LINGO4: variants seen among roughly 807,000 people sequenced by gnomAD.
LINGO4 encodes the protein leucine-rich repeat and immunoglobulin-like domain-containing nogo receptor-interacting protein 4.
Under a neutral mutation model 27.9 loss-of-function variants are expected in LINGO4, and 22 were observed. The observed-to-expected ratio is 0.79, with a 90% CI of 0.56 to 1.13. LINGO4 has a LOEUF of 1.13. Ranked by LOEUF, LINGO4 falls within the 50% of genes most tolerant of loss-of-function variation. The pLI, the probability that LINGO4 is intolerant of heterozygous loss-of-function variation, is 0.00. For synonymous variants in LINGO4, 306 were observed against 325.8 expected (o/e 0.94, Z 0.65); for missense variants, 706 against 739.4 (o/e 0.95, Z 0.52).
rs750904019 is a variant in LINGO4, at chr1:151,800,979, G to A, written c.1726C>T (p.Arg576Trp). 41 of 1,613,986 alleles carry A rather than the reference G, an allele frequency of 2.5e-5. 1 individual carries two copies. In the South Asian group the frequency reaches 3.0e-4, roughly 12 times the overall value. ...CCAGAGTTTTTATCCCCAGAGGGCCGAGGTGCCACAAAGTCAAAGGTCATG... is the reference window on the plus strand; with the variant it reads ...CCAGAGTTTTTATCCCCAGAGGGCCAAGGTGCCACAAAGTCAAAGGTCATG... Reference protein sequence around the residue: ...HHMTFDFVAPRPSGDKNSGGN... With the variant: ...HHMTFDFVAPWPSGDKNSGGN... Residue 576 changes from arginine (R) to tryptophan (W), a missense_variant, in exon 2 of 2, where the codon CGG (arginine) becomes TGG (tryptophan). Transcript: ENST00000368820.
At position 151,802,165 on chromosome 1, in the gene LINGO4, G is replaced by A. The variant is rs765872718; in HGVS notation, c.540C>T (p.Ala180=). ...GCTCCAGGGTGAGGGTGCTCAACTT[G>A]GCTAGCCCTGCAAAGGCCCCCGGAG... ...FVAPGAFAGL[A]KLSTLTLERC... Residue 180 remains alanine (A), a synonymous_variant, in exon 2 of 2, where the codon GCC becomes GCT. Transcript: ENST00000368820. The A allele has an allele frequency of 1.8e-5, 29 of 1,613,874 alleles. No individual in the cohort carries two copies. In the African/African-American group the frequency reaches 3.3e-4, roughly 19 times the overall value.
Position 151,800,987 on chromosome 1 carries a change from A to G in LINGO4, c.1718T>C (p.Val573Ala). ...RVKHHMTFDFVAPRPSGDKNS... is the reference protein window; with the variant it reads ...RVKHHMTFDFAAPRPSGDKNS... ...TTTATCCCCAGAGGGCCGAGGTGCC[A>G]CAAAGTCAAAGGTCATGTGATGTTT... Residue 573 changes from valine (V) to alanine (A), a missense_variant, in exon 2 of 2, where the codon GTG becomes GCG. Coordinates refer to ENST00000368820, the MANE Select transcript of LINGO4 (RefSeq NM_001004432.4). 2 of 1,614,064 alleles carry G rather than the reference A, an allele frequency of 1.2e-6. No homozygotes were observed. Among genetic ancestry groups the G allele is most frequent in the Non-Finnish European group, 1.7e-6 (2 of 1,179,926 alleles).
chr1:151,802,173 C>T lies in LINGO4; in HGVS notation c.532G>A (p.Gly178Arg), dbSNP rs751132246. The change falls in exon 2 of 2, where the codon GGG (glycine) becomes AGG (arginine). Residue 178 changes from glycine to arginine, a missense_variant. Physicochemically the swap from Gly to Arg is moderately radical, Grantham distance 125. Transcript: ENST00000368820. Reference protein sequence around the residue: ...LVFVAPGAFAGLAKLSTLTLE... With the variant: ...LVFVAPGAFARLAKLSTLTLE... ...GTGAGGGTGCTCAACTTGGCTAGCC[C>T]TGCAAAGGCCCCCGGAGCCACAAAT... is the stretch of plus-strand genomic sequence containing the variant. The T allele has an allele frequency of 6.2e-7, 1 of 1,614,028 alleles. No individual in the cohort carries two copies. The highest frequency in any genetic ancestry group is 8.5e-7 in the Non-Finnish European group (1 of 1,180,026).
Position 151,801,441 on chromosome 1 carries a change from A to C in LINGO4, c.1264T>G (p.Trp422Gly), listed in dbSNP as rs750879690. 1 of 1,614,146 alleles carries C rather than the reference A, an allele frequency of 6.2e-7. No homozygotes were observed. Residue 422 changes from tryptophan (W) to glycine (G), a missense_variant, in exon 2 of 2, where the codon TGG (tryptophan) becomes GGG (glycine). Physicochemically the swap from Trp to Gly is radical, Grantham distance 184 (BLOSUM62 -2). Transcript: ENST00000368820. The surrounding 1 kb of genome is among the most constrained non-coding windows in gnomAD (Gnocchi z 5.7). ...PALIRKSGPR[W>G]VIAEEGGHAV... is the part of the protein sequence containing the mutation. ...TGCCCGCCCTCCTCTGCAATGACCC[A>C]TCGAGGCCCCGACTTTCGGATCAGG... is the stretch of plus-strand genomic sequence containing the variant.
Position 151,802,658 on chromosome 1 carries a change from G to A in LINGO4, c.47C>T (p.Pro16Leu), listed in dbSNP as rs772746600. 1.7e-5 allele frequency: 27 copies of A among 1,544,974 alleles called. No homozygotes were observed. In the South Asian group the frequency reaches 2.0e-4, roughly 12 times the overall value. Reference protein sequence around the residue: ...APKQAWPPWPPLLFLLLLPGG... With the variant: ...APKQAWPPWPLLLFLLLLPGG... ...AGGTAGGAGGAGGAGGAAAAGGAGC[G>A]GGGGCCATGGGGGCCAGGCTTGCTT... Residue 16 changes from proline to leucine, a missense_variant, in exon 2 of 2, where the codon CCG (proline) becomes CTG (leucine). Transcript: ENST00000368820.
Position 151,801,833 on chromosome 1 carries a change from A to T in LINGO4, c.872T>A (p.Ile291Asn). The T allele has an allele frequency of 6.2e-7, 1 of 1,614,206 alleles. No individual in the cohort carries two copies. The highest frequency in any genetic ancestry group is 2.2e-5 in the East Asian group (1 of 44,884). The change falls in exon 2 of 2, where the codon ATC becomes AAC. Residue 291 changes from isoleucine (I) to asparagine (N), a missense_variant. Transcript: ENST00000368820. This position sits in a 1 kb window ranked among gnomAD's most constrained non-coding sequence, Gnocchi z 5.7. ...LDLSQNPISA[I>N]PARRLSPLVR... ...CAGGGGGCTGAGCCTTCGGGCTGGG[A>T]TGGCTGAGATGGGATTCTGGGACAG...
chr1:151,801,587 C>T lies in LINGO4; in HGVS notation c.1118G>A (p.Arg373His), dbSNP rs142939659. 208 of 1,613,518 alleles carry T rather than the reference C, an allele frequency of 1.3e-4. No individual in the cohort carries two copies. The highest frequency in any genetic ancestry group is 2.8e-4 in the African/African-American group (21 of 74,956). Residue 373 changes from arginine (R) to histidine (H), a missense_variant, in exon 2 of 2, where the codon CGC becomes CAC. By Grantham distance (29) the Arg-to-His change is conservative. Transcript: ENST00000368820. This position sits in a 1 kb window ranked among gnomAD's most constrained non-coding sequence, Gnocchi z 5.7. ...GGACATGCCAAAGTCCAGGTGGCGGCGGAGCCGGAGCAGCCAGAGGAGGCG... is the reference window on the plus strand; with the variant it reads ...GGACATGCCAAAGTCCAGGTGGCGGTGGAGCCGGAGCAGCCAGAGGAGGCG... ...DCRLLWLLRL[R>H]RHLDFGMSPP... is the part of the protein sequence containing the mutation.
In LINGO4 at chr1:151,801,921, A is replaced by C; in HGVS notation, c.784T>G (p.Cys262Gly). 11 of 1,614,216 alleles carry C rather than the reference A, an allele frequency of 6.8e-6. No homozygotes were observed. The highest frequency in any genetic ancestry group is 9.3e-6 in the Non-Finnish European group (11 of 1,180,024). Residue 262 changes from cysteine (C) to glycine (G), a missense_variant, in exon 2 of 2, where the codon TGC (cysteine) becomes GGC (glycine). Coordinates refer to ENST00000368820, the MANE Select transcript of LINGO4 (RefSeq NM_001004432.4). This position sits in a 1 kb window ranked among gnomAD's most constrained non-coding sequence, Gnocchi z 5.7. ...TGGAAGGGCACCGAGCTCAGATTGC[A>C]GCGAGTGATGGCCAGGCTGCTGAGA... ...LNLSSLAITR[C>G]NLSSVPFQAL...
rs1444920962 is a variant in LINGO4, at chr1:151,801,996, G to A, written c.709C>T (p.Leu237Phe). Residue 237 changes from leucine to phenylalanine, a missense_variant, in exon 2 of 2, where the codon CTC (leucine) becomes TTC (phenylalanine). By Grantham distance (22) the Leu-to-Phe change is conservative. Coordinates refer to ENST00000368820, the MANE Select transcript of LINGO4 (RefSeq NM_001004432.4). This position sits in a 1 kb window ranked among gnomAD's most constrained non-coding sequence, Gnocchi z 5.7. The stretch of plus-strand genomic sequence containing the variant: ...TCCAGAGCCTCCAGAGATGGCCAGA[G>A]GTGGATCTCCAGCTCCTTGAGCTGC... ...LGQLKELEIH[L>F]WPSLEALDPG... The A allele has an allele frequency of 1.2e-6, 2 of 1,614,170 alleles. No homozygotes were observed. The highest frequency in any genetic ancestry group is 2.2e-5 in the East Asian group (1 of 44,878).
At position 151,801,626 on chromosome 1, in the gene LINGO4, AGGGGGTTGCCAGACAGCCTCAAGG is replaced by A. The variant is rs759985470; in HGVS notation, c.1055_1078del (p.Thr352_Leu360delinsIle). 1.1e-5 allele frequency: 17 copies of A among 1,613,902 alleles called. No individual in the cohort carries two copies. The highest frequency in any genetic ancestry group is 1.4e-5 in the Non-Finnish European group (17 of 1,180,032). ...CCAGAGGAGGCGGCAGTCACAGGTT[AGGGGGTTGCCAGACAGCCTCAAGG>A]TGACCAGTTTGTCTGGAGAAGGGAA... On this transcript the variant is annotated inframe_deletion, in exon 2 of 2. Coordinates refer to ENST00000368820, the MANE Select transcript of LINGO4 (RefSeq NM_001004432.4). This position sits in a 1 kb window ranked among gnomAD's most constrained non-coding sequence, Gnocchi z 5.7.
In LINGO4 at chr1:151,800,913, GA is replaced by G; in HGVS notation, c.*9del. On this transcript the variant is annotated 3_prime_UTR_variant, in exon 2 of 2. Coordinates refer to ENST00000368820, the MANE Select transcript of LINGO4 (RefSeq NM_001004432.4). ...CGGACTTGGTGGGTTCCCCACTGGG[GA>G]AGGAAAGGTCAGAAGAGCTTGGCAG... The G allele has an allele frequency of 6.3e-7, 1 of 1,587,832 alleles. No homozygotes were observed. Among genetic ancestry groups the G allele is most frequent in the African/African-American group, 1.3e-5 (1 of 74,286 alleles).
chr1:151,804,809 C>T (rs1347141471), intron 1 of LINGO4, among the ~76,000 whole-genome samples: 6 of 152,204 alleles, frequency 3.9e-5, no homozygotes, highest in Non-Finnish European at 7.3e-5. Context: ...CATCACCCCT[C>T]AAGGGTAGGG....
At chr1:151,802,835 A>G (rs1651193991) in intron 1 of LINGO4, 118 bp from the exon 2 acceptor site, 1 of 637,106 alleles carries the variant, frequency 1.6e-6, no homozygotes, top group Non-Finnish European at 2.5e-6. Context: ...AGCATTGCCA[A>G]TAAGTAGGGC....
At position 151,802,273 on chromosome 1, in the gene LINGO4, A is replaced by G; in HGVS notation, c.432T>C (p.Ile144=). ...CAAAAGCTCCATCTAGGAAGAGAAC[A>G]ATCTGGTTGAGGCGGAGGTCCAGCA... The part of the protein sequence containing the change: ...LTLLDLRLNQ[I]VLFLDGAFGE... Residue 144 remains isoleucine (I), a synonymous_variant, in exon 2 of 2, where the codon ATT becomes ATC. Coordinates refer to ENST00000368820, the MANE Select transcript of LINGO4 (RefSeq NM_001004432.4). 1 of 1,614,186 alleles carries G rather than the reference A, an allele frequency of 6.2e-7. No homozygotes were observed.
Position 151,802,106 on chromosome 1 carries a change from AG to A in LINGO4, c.598del (p.Ala201ProfsTer6), listed in dbSNP as rs1461399668. The stretch of plus-strand genomic sequence containing the variant: ...GGCCACTAGTGCCGGGAGACGGGCA[AG>A]GGCTAGGCCAGGCACTGTGCTGAGG... ...CNLSTVPGLA[L>X]ARLPALVALR... On this transcript the variant is annotated frameshift_variant, in exon 2 of 2. Coordinates refer to ENST00000368820, the MANE Select transcript of LINGO4 (RefSeq NM_001004432.4). LOFTEE classifies it high-confidence loss of function. 1 of 1,613,964 alleles carries A rather than the reference AG, an allele frequency of 6.2e-7. No homozygotes were observed. Among genetic ancestry groups the A allele is most frequent in the East Asian group, 2.2e-5 (1 of 44,880 alleles).
Position 151,801,501 on chromosome 1 carries a change from T to C in LINGO4, c.1204A>G (p.Ile402Val). Residue 402 changes from isoleucine to valine, a missense_variant, in exon 2 of 2, where the codon ATC becomes GTC. Transcript: ENST00000368820. The surrounding 1 kb of genome is among the most constrained non-coding windows in gnomAD (Gnocchi z 5.7). The part of the protein sequence containing the change: ...QGKSLKEFSD[I>V]LPPGHFTCKP... The stretch of plus-strand genomic sequence containing the variant: ...CAGGTGAAGTGCCCTGGAGGCAGGA[T>C]GTCTGAAAACTCCTTCAGGCTCTTC... The C allele has an allele frequency of 1.2e-6, 2 of 1,614,148 alleles. No individual in the cohort carries two copies. The highest frequency in any genetic ancestry group is 1.7e-6 in the Non-Finnish European group (2 of 1,180,030).
rs12090995 is a variant in LINGO4 at position 151,800,684 on chromosome 1, G to A, written c.*239C>T. The A allele has an allele frequency of 0.016, 8,351 of 506,422 alleles. 550 individuals are homozygous for A. Among genetic ancestry groups the A allele is most frequent in the African/African-American group, 0.14 (7,279 of 52,420 alleles). 31.4% of individuals were successfully genotyped at this position (506,422 alleles called of 1,614,324 possible). A position where few individuals can be genotyped will look rare whatever the true frequency, so the allele number is the denominator to read the frequency against. On this transcript the variant is annotated 3_prime_UTR_variant, in exon 2 of 2. Coordinates refer to ENST00000368820, the MANE Select transcript of LINGO4 (RefSeq NM_001004432.4). ...TGTGGAGGGGGTGAAGCAGGGGCTG[G>A]ACTAACGACGGGGTCTGCATCTGCA...
chr1:151,803,465 C>T (rs1284370516), intron 1 of LINGO4, among the ~76,000 whole-genome samples: 1 of 152,208 alleles, frequency 6.6e-6, no homozygotes. Flanking sequence ...CTGCAAGAGC[C>T]CAGGGGCAAC....
chr1:151,803,945 C>T (rs1382913763), intron 1 of LINGO4, among the ~76,000 whole-genome samples: 1 of 152,022 alleles, frequency 6.6e-6, no homozygotes, highest in Non-Finnish European at 1.5e-5. Flanking sequence ...CAACAGGGAC[C>T]CCAAGGCAGA....
Sources: gnomAD v4.1 joint callset for allele counts (sites outside exome capture counted in the v4.1 genomes callset) on GRCh38, gnomAD v4.1.1 for gene constraint, Gnocchi (gnomAD v3.1) non-coding constraint, MANE v1.5 for transcripts, NCBI Gene and HGNC (gene_info 2026-07-23, HGNC 2026-07-21) for gene names.